Variants in HVCN1 observed in about 807,000 individuals in gnomAD.
HVCN1 encodes the protein hydrogen voltage gated channel 1, also known as voltage-gated hydrogen channel 1.
In HVCN1, 14 loss-of-function variants were observed where a neutral mutation model predicts 29.2. The observed-to-expected ratio is 0.48, with a 90% CI of 0.32 to 0.75. The LOEUF (loss-of-function observed/expected upper bound fraction) is 0.75. HVCN1 is among the 30% of genes least tolerant of loss of function. The probability of loss-of-function intolerance (pLI) is 0.04; values close to 1 mark genes in which losing one functional copy is unlikely to be tolerated. For synonymous variants in HVCN1, 131 were observed against 133.2 expected (o/e 0.98, Z 0.11); for missense variants, 263 against 341.8 (o/e 0.77, Z 1.82).
In HVCN1 at chr12:110,658,941, C is replaced by T. The variant is rs548843044; in HGVS notation, c.306+2223G>A. ...AGGGGCCAGTCCCCAGCCCTAAGCC[C>T]AGGCAGGAGGGGGATATCCTGATGG... On this transcript the variant is annotated intron_variant, in intron 4 of 7. Transcript: ENST00000242607. The surrounding 1 kb of genome is among the most constrained non-coding windows in gnomAD (Gnocchi z 5.0). Among the ~76,000 whole-genome samples the T allele has an allele frequency of 1.3e-5, 2 of 152,342 alleles. No homozygotes were observed. The highest frequency in any genetic ancestry group is 2.1e-4 in the South Asian group (1 of 4,828).
chr12:110,685,793 G>A (rs983967892), intron 2 of HVCN1, among the ~76,000 whole-genome samples: 4 of 151,852 alleles, frequency 2.6e-5, no homozygotes, highest in African/African-American at 7.3e-5. Flanking sequence ...GGACTCAAGC[G>A]ATCCTCCCAC....
At chr12:110,682,497 C>T (rs1185209019) in intron 3 of HVCN1, among the ~76,000 whole-genome samples, 1 of 152,200 alleles carries the variant, frequency 6.6e-6, no homozygotes, top group Non-Finnish European at 1.5e-5. Flanking sequence ...CCACACCTGG[C>T]CTAAAATCCC....
chr12:110,651,098 G>A, intron 6 of HVCN1, 119 bp downstream of exon 6: 1 of 682,540 alleles, frequency 1.5e-6, no homozygotes, highest in Non-Finnish European at 2.6e-6. Flanking sequence ...GCAGAGGGGA[G>A]GCCTCCATAA....
chr12:110,693,086 C>A (rs1236030504), upstream of HVCN1, among the ~76,000 whole-genome samples: 1 of 151,448 alleles, frequency 6.6e-6, no homozygotes, highest in Non-Finnish European at 1.5e-5. Flanking sequence ...GCTTTGTTTC[C>A]CAGGCTGGTC....
At chr12:110,703,417 T>A (rs2069580930) in intron 1 of HVCN1, among the ~76,000 whole-genome samples, 1 of 151,236 alleles carries the variant, frequency 6.6e-6, no homozygotes, top group Admixed American at 6.6e-5. Context: ...AATTAAAAAT[T>A]AAAAAAAATT....
At chr12:110,660,682 C>T (rs1393773878) in intron 4 of HVCN1, among the ~76,000 whole-genome samples, 2 of 152,168 alleles carry the variant, frequency 1.3e-5, no homozygotes, top group Non-Finnish European at 2.9e-5. Context: ...AGAACATTTT[C>T]ATCTCCTCAA....
upstream of HVCN1, among the ~76,000 whole-genome samples, chr12:110,693,341 T>G (rs1315544673): frequency 6.6e-6 from 1 of 152,006 alleles, no homozygotes; most frequent in Non-Finnish European, 1.5e-5. Context: ...GTCAGGAGTT[T>G]AAGACCAGCC....
At chr12:110,700,018 G>A (rs1047090798) in intron 2 of HVCN1, among the ~76,000 whole-genome samples, 5 of 152,190 alleles carry the variant, frequency 3.3e-5, no homozygotes, top group African/African-American at 9.7e-5. Flanking sequence ...CCCAGGAGGG[G>A]GCGAACAAGA....
intron 2 of HVCN1, among the ~76,000 whole-genome samples, chr12:110,699,747 A>G (rs994757043): frequency 6.6e-6 from 1 of 151,944 alleles, no homozygotes; most frequent in Non-Finnish European, 1.5e-5. Context: ...CATGATACAC[A>G]TCTCTTCTTC....
intron 4 of HVCN1, among the ~76,000 whole-genome samples, chr12:110,655,973 G>A (rs2067978460): frequency 6.6e-6 from 1 of 152,186 alleles, no homozygotes; most frequent in African/African-American, 2.4e-5. Flanking sequence ...CCAAAGTGCT[G>A]GGATTACAGG....
At chr12:110,665,732 C>T (rs182831930) in intron 3 of HVCN1, among the ~76,000 whole-genome samples, 16 of 151,658 alleles carry the variant, frequency 1.1e-4, no homozygotes, top group African/African-American at 3.6e-4. Context: ...GCTGGCTAGG[C>T]ATGGTGGCTC....
intron 6 of HVCN1, among the ~76,000 whole-genome samples, chr12:110,650,814 C>T (rs984053707): frequency 2.6e-5 from 4 of 151,896 alleles, no homozygotes; most frequent in African/African-American, 9.7e-5. Flanking sequence ...CCACCTCAGC[C>T]TCCCCAGTGG....
chr12:110,668,903 C>T (rs1016075740), intron 3 of HVCN1, among the ~76,000 whole-genome samples: 3 of 152,168 alleles, frequency 2.0e-5, no homozygotes, highest in South Asian at 2.1e-4. Flanking sequence ...CTCCTGCTAT[C>T]TCTGGCCACC....
At chr12:110,668,011 T>C (rs2068429690) in intron 3 of HVCN1, among the ~76,000 whole-genome samples, 1 of 152,028 alleles carries the variant, frequency 6.6e-6, no homozygotes. Flanking sequence ...AAAGATAGGG[T>C]TGATCAAGAG....
intron 3 of HVCN1, among the ~76,000 whole-genome samples, chr12:110,669,385 G>A (rs1213298233): frequency 1.3e-5 from 2 of 152,038 alleles, no homozygotes; most frequent in South Asian, 2.1e-4. Flanking sequence ...GCTGTGCAGC[G>A]ACCTCCATGC....
rs143436475 is a variant in HVCN1, at chr12:110,651,697, C to T, written c.412-249G>A. On this transcript the variant is annotated intron_variant, in intron 5 of 7. Transcript: ENST00000242607. ...AGCAATTCCATGGCTAAGAACTTAC[C>T]CTACAGCTGAGCTCCTGTGTGCACA... Among the ~76,000 whole-genome samples, 751 of 152,312 alleles carry T rather than the reference C, an allele frequency of 4.9e-3. 2 individuals are homozygous for T. Among genetic ancestry groups the T allele is most frequent in the Middle Eastern group, 0.017 (5 of 294 alleles).
rs1042463381 is a variant in HVCN1, at chr12:110,648,817, T to C, written c.*593A>G. The C allele has an allele frequency of 3.1e-6, 1 of 327,510 alleles. No homozygotes were observed. The highest frequency in any genetic ancestry group is 2.5e-5 in the South Asian group (1 of 40,430). 20.3% of individuals were successfully genotyped at this position (327,510 alleles called of 1,614,324 possible). A position where few individuals can be genotyped will look rare whatever the true frequency, so the allele number is the denominator to read the frequency against. On this transcript the variant is annotated 3_prime_UTR_variant, in exon 8 of 8. Transcript: ENST00000242607. ...GAGAGTTTATTTTATACAGTAGTTG[T>C]TTTATTTTATACAGTAGTTGTACAG...
chr12:110,692,858 G>A (rs535003011), upstream of HVCN1, among the ~76,000 whole-genome samples: 1 of 152,198 alleles, frequency 6.6e-6, no homozygotes, highest in East Asian at 1.9e-4. Context: ...TAACTGAAAC[G>A]TATTATTACT....
At chr12:110,666,439 AAAG>A (rs918389236) in intron 3 of HVCN1, among the ~76,000 whole-genome samples, 4 of 152,106 alleles carry the variant, frequency 2.6e-5, no homozygotes, top group African/African-American at 9.7e-5. Flanking sequence ...AAAGAAAAGA[AAAG>A]AAAAGAAAAG....
Sources: gnomAD v4.1 joint callset for allele counts (sites outside exome capture counted in the v4.1 genomes callset) on GRCh38, gnomAD v4.1.1 for gene constraint, Gnocchi (gnomAD v3.1) non-coding constraint, MANE v1.5 for transcripts, NCBI Gene and HGNC (gene_info 2026-07-23, HGNC 2026-07-21) for gene names.